Variants in KCNQ3 observed in about 807,000 individuals in gnomAD.
KCNQ3 encodes potassium voltage-gated channel subfamily Q member 3.
A neutral mutation model predicts 92.5 loss-of-function variants in KCNQ3; 30 were observed. That is an observed-to-expected ratio of 0.32 (90% CI 0.24 to 0.44). The LOEUF (loss-of-function observed/expected upper bound fraction) is 0.44. KCNQ3 is among the 20% of genes least tolerant of loss of function. The probability of loss-of-function intolerance (pLI) is 1.00; values close to 1 mark genes in which losing one functional copy is unlikely to be tolerated. For missense variants in KCNQ3, 913 were observed against 1,140.3 expected (o/e 0.80, Z 2.87); for synonymous variants, 450 against 468.8 (o/e 0.96, Z 0.52).
At chr8:132,180,351 G>C in intron 3 of KCNQ3, 22 bp from the exon 4 acceptor site, 1 of 1,613,166 alleles carries the variant, frequency 6.2e-7, no homozygotes, top group Non-Finnish European at 8.5e-7. Flanking sequence ...GACAGACAGA[G>C]TGGGAGGGAA....
chr8:132,463,884 C>A (rs1408043220), intron 1 of KCNQ3, among the ~76,000 whole-genome samples: 1 of 152,236 alleles, frequency 6.6e-6, no homozygotes, highest in Non-Finnish European at 1.5e-5. Context: ...ACAGTCTCGG[C>A]TCACCGCAAC....
intron 1 of KCNQ3, among the ~76,000 whole-genome samples, chr8:132,405,704 A>C (rs528523703): frequency 6.6e-6 from 1 of 152,344 alleles, no homozygotes; most frequent in African/African-American, 2.4e-5. Context: ...AAGCAAGATC[A>C]GTGCTATAGT....
chr8:132,325,954 C>T (rs1818034970), intron 1 of KCNQ3, among the ~76,000 whole-genome samples: 1 of 152,186 alleles, frequency 6.6e-6, no homozygotes, highest in South Asian at 2.1e-4. Context: ...AAAGAACAAA[C>T]TTTCCTTCGT....
chr8:132,279,853 C>T (rs900815054), intron 1 of KCNQ3, among the ~76,000 whole-genome samples: 23 of 150,650 alleles, frequency 1.5e-4, no homozygotes, highest in East Asian at 3.9e-4. Flanking sequence ...TGTATATATG[C>T]GTGTGTGTGT....
intron 1 of KCNQ3, among the ~76,000 whole-genome samples, chr8:132,306,469 AC>A: frequency 6.6e-6 from 1 of 152,314 alleles, no homozygotes; most frequent in East Asian, 1.9e-4. Context: ...CATCAAAGAG[AC>A]CAGATGATGA....
intron 8 of KCNQ3, among the ~76,000 whole-genome samples, chr8:132,167,822 C>T (rs1015673767): frequency 5.9e-5 from 9 of 152,202 alleles, no homozygotes; most frequent in Non-Finnish European, 1.0e-4. Context: ...GGCCCATTGC[C>T]AACACCTTGG....
At chr8:132,319,237 CA>C (rs1009822190) in intron 1 of KCNQ3, among the ~76,000 whole-genome samples, 8 of 152,088 alleles carry the variant, frequency 5.3e-5, no homozygotes, top group Admixed American at 5.2e-4. Context: ...ATTTTGGGGG[CA>C]AACTGAGGCT....
In KCNQ3 at chr8:132,445,550, TA is replaced by T. The variant is rs1365777963; in HGVS notation, c.386+34596del. Among the ~76,000 whole-genome samples, 16 of 143,596 alleles carry T rather than the reference TA, an allele frequency of 1.1e-4. No individual in the cohort carries two copies. The East Asian group carries it at 3.6e-3, about 32-fold the overall frequency. 94.2% of individuals were successfully genotyped at this position (143,596 alleles called of 152,430 possible). On this transcript the variant is annotated intron_variant, in intron 1 of 14. Transcript: ENST00000388996. ...GCACTAAGATCAAGTTAAGAAGAAA[TA>T]AAAAAACGACTCTAATAAGCAGTAA...
intron 1 of KCNQ3, among the ~76,000 whole-genome samples, chr8:132,304,517 C>T (rs1817356082): frequency 6.6e-6 from 1 of 152,152 alleles, no homozygotes; most frequent in Non-Finnish European, 1.5e-5. Context: ...TTTAGAGCAA[C>T]ACTGTCCAAT....
chr8:132,425,874 C>T (rs1821095828), intron 1 of KCNQ3, among the ~76,000 whole-genome samples: 1 of 152,218 alleles, frequency 6.6e-6, no homozygotes, highest in South Asian at 2.1e-4. Flanking sequence ...TGACTGGTTA[C>T]CTCATTCTCT....
chr8:132,273,808 G>C (rs992210905), intron 1 of KCNQ3, among the ~76,000 whole-genome samples: 1 of 152,128 alleles, frequency 6.6e-6, no homozygotes, highest in Non-Finnish European at 1.5e-5. Flanking sequence ...CAAATCTCTA[G>C]GGGTAAAATG....
chr8:132,314,249 T>G (rs1266121010), intron 1 of KCNQ3, among the ~76,000 whole-genome samples: 1 of 152,182 alleles, frequency 6.6e-6, no homozygotes, highest in East Asian at 1.9e-4. Flanking sequence ...TCTATTTTTA[T>G]TAACAAACCA....
At chr8:132,410,322 G>A (rs2597336) in intron 1 of KCNQ3, among the ~76,000 whole-genome samples, 10,185 of 152,248 alleles carry the variant, frequency 0.067, 497 homozygotes, top group Admixed American at 0.16. Context: ...CCTAAAGGGA[G>A]AGGTAAATTA....
intron 1 of KCNQ3, among the ~76,000 whole-genome samples, chr8:132,379,731 G>A (rs990215849): frequency 6.6e-6 from 1 of 151,994 alleles, no homozygotes; most frequent in African/African-American, 2.4e-5. Flanking sequence ...CCTTTCTCAG[G>A]GCAGACAGCT....
At position 132,480,507 on chromosome 8, in the gene KCNQ3, G is replaced by A. The variant is rs1359649725; in HGVS notation, c.26C>T (p.Ala9Val). The change falls in exon 1 of 15, where the codon GCG becomes GTG. Residue 9 changes from alanine (A) to valine (V), a missense_variant. Transcript: ENST00000388996. Reference protein sequence around the residue: MGLKARRAAGAAGGGGDGG... With the variant: MGLKARRAVGAAGGGGDGG... ...GTCGCCGCCGCCGCCAGCCGCCCCC[G>A]CCGCCCTGCGCGCCTTGAGCCCCAT... The A allele has an allele frequency of 8.0e-6, 9 of 1,124,162 alleles. No homozygotes were observed. Among genetic ancestry groups the A allele is most frequent in the Non-Finnish European group, 9.7e-6 (9 of 923,956 alleles). The allele number at this position is 1,124,162 out of a possible 1,614,324, so 69.6% of individuals were successfully genotyped here. A position where few individuals can be genotyped will look rare whatever the true frequency, so the allele number is the denominator to read the frequency against.
chr8:132,135,234 C>T (rs1825043287), intron 12 of KCNQ3, among the ~76,000 whole-genome samples: 1 of 152,182 alleles, frequency 6.6e-6, no homozygotes. Flanking sequence ...AACCATGTTC[C>T]TGCAAAAGAT....
At chr8:132,151,158 G>A (rs1825625644) in intron 9 of KCNQ3, among the ~76,000 whole-genome samples, 1 of 152,134 alleles carries the variant, frequency 6.6e-6, no homozygotes, top group African/African-American at 2.4e-5. Context: ...CTGGGGACAT[G>A]TGGAACTAAC....
At chr8:132,154,753 T>C (rs891266790) in intron 9 of KCNQ3, among the ~76,000 whole-genome samples, 4 of 152,168 alleles carry the variant, frequency 2.6e-5, no homozygotes, top group Admixed American at 2.0e-4. Flanking sequence ...CCCCTCTCAC[T>C]TTGCTGTGTT....
At chr8:132,450,014 G>A (rs1372057478) in intron 1 of KCNQ3, among the ~76,000 whole-genome samples, 1 of 152,152 alleles carries the variant, frequency 6.6e-6, no homozygotes, top group Non-Finnish European at 1.5e-5. Context: ...ATGAAGCCGT[G>A]GACCTCCGTG....
Sources: allele counts gnomAD v4.1 joint callset (sites outside exome capture counted in the v4.1 genomes callset), GRCh38; gene constraint gnomAD v4.1.1; transcripts MANE v1.5; gene names NCBI Gene and HGNC (gene_info 2026-07-23, HGNC 2026-07-21).